ZNF883: variants seen among roughly 807,000 people sequenced by gnomAD.
The protein encoded by ZNF883 is zinc finger protein 883.
downstream of ZNF883, among the ~76,000 whole-genome samples, chr9:112,996,464 A>G (rs1217275690): frequency 6.6e-6 from 1 of 152,130 alleles, no homozygotes; most frequent in Non-Finnish European, 1.5e-5. Context: ...AGAGTGAACA[A>G]TTTTCCTTAC....
chr9:112,997,847 G>A, exon 1 of ZNF883: 8 of 1,613,312 alleles, frequency 5.0e-6, no homozygotes, highest in Non-Finnish European at 6.8e-6. Flanking sequence ...AGTAAGGGCA[G>A]AGATATGGCT....
chr9:113,003,240 A>T (rs191738258), upstream of ZNF883, among the ~76,000 whole-genome samples: 10 of 152,228 alleles, frequency 6.6e-5, no homozygotes, highest in East Asian at 1.5e-3. Context: ...TGATGGTTTT[A>T]TAAATGGGAG....
rs771693929 is a variant in ZNF883, at chr9:112,997,960, A to G, written n.300T>C. ...TATGACTAAAGGTTTTTTCACATTC[A>G]TTACACTCATAAGGTTTCTCCCCAG... On this transcript the variant is annotated non_coding_transcript_exon_variant, in exon 1 of 1. Coordinates refer to ENST00000639662, the Ensembl canonical transcript of ZNF883. 5 of 1,613,728 alleles carry G rather than the reference A, an allele frequency of 3.1e-6. No individual in the cohort carries two copies. The South Asian group carries it at 5.5e-5, about 18-fold the overall frequency.
At chr9:112,991,382 AGTT>A (rs1321542942) in intron 1 of ZNF883, among the ~76,000 whole-genome samples, 1 of 151,746 alleles carries the variant, frequency 6.6e-6, no homozygotes, top group Non-Finnish European at 1.5e-5. Context: ...ATTTCCATGT[AGTT>A]GTGTGGTTTT....
intron 2 of ZNF883, among the ~76,000 whole-genome samples, chr9:113,003,377 T>G (rs1277646902): frequency 6.6e-6 from 1 of 152,194 alleles, no homozygotes; most frequent in Non-Finnish European, 1.5e-5. Flanking sequence ...TTAAACCTCT[T>G]TCCTTTATAA....
chr9:112,992,957 A>G (rs564821112), downstream of ZNF883, among the ~76,000 whole-genome samples: 16 of 152,196 alleles, frequency 1.1e-4, no homozygotes, highest in African/African-American at 3.9e-4. Context: ...TTTCTGGTTA[A>G]TAGCTTCTGT....
At chr9:112,997,742 C>T (rs757610000) in exon 1 of ZNF883, 17 of 1,613,676 alleles carry the variant, frequency 1.1e-5, no homozygotes, top group Middle Eastern at 1.6e-4. Flanking sequence ...AGAATGAATT[C>T]CCTGATGTTC....
upstream of ZNF883, chr9:112,998,308 G>C (rs573481805): frequency 1.4e-6 from 2 of 1,412,462 alleles, no homozygotes; most frequent in Admixed American, 2.5e-5. Flanking sequence ...ATTTTTGTCG[G>C]TATGTAATAG....
upstream of ZNF883, among the ~76,000 whole-genome samples, chr9:113,002,289 T>C (rs1828432844): frequency 2.0e-5 from 3 of 152,290 alleles, no homozygotes; most frequent in Middle Eastern, 3.4e-3. Flanking sequence ...AGTTTCCCTA[T>C]AAAGACACCT....
chr9:112,999,640 GA>G (rs1828402966), upstream of ZNF883: 1 of 152,130 alleles, frequency 6.6e-6, no homozygotes, highest in Admixed American at 6.6e-5. Flanking sequence ...ATGGCTCACA[GA>G]ACTCAGGAAA....
downstream of ZNF883, among the ~76,000 whole-genome samples, chr9:112,996,805 AAAAAAAAAAAAAAAAAAAAG>A: frequency 6.7e-6 from 1 of 148,842 alleles, no homozygotes; most frequent in Non-Finnish European, 1.5e-5. Context: ...AAAAAAAAAA[AAAAAAAAAAAAAAAAAAAAG>A]TTTTTTTATA....
At chr9:113,011,735 T>C (rs1213840010) in intron 1 of ZNF883, among the ~76,000 whole-genome samples, 1 of 152,088 alleles carries the variant, frequency 6.6e-6, no homozygotes, top group Non-Finnish European at 1.5e-5. Context: ...AATACGTATA[T>C]CACGGTTTTC....
In ZNF883 at chr9:112,988,686, G is replaced by A. The variant is rs187090270; in HGVS notation, n.310-5107C>T. ...GTATATACTCAGTAATGGGATTGCTGAGTCAAATGATATTTCTGGTCTGAG... is the reference window on the plus strand; with the variant it reads ...GTATATACTCAGTAATGGGATTGCTAAGTCAAATGATATTTCTGGTCTGAG... On this transcript the variant is annotated intron_variant and non_coding_transcript_variant, in intron 1 of 9. Coordinates refer to the ZNF883 transcript ENST00000638823. Among the ~76,000 whole-genome samples, 3 of 152,272 alleles carry A rather than the reference G, an allele frequency of 2.0e-5. No individual in the cohort carries two copies. The East Asian group carries it at 5.8e-4, about 29-fold the overall frequency.
chr9:112,992,051 C>G (rs779174887), intron 1 of ZNF883, among the ~76,000 whole-genome samples: 5 of 152,176 alleles, frequency 3.3e-5, no homozygotes, highest in Non-Finnish European at 7.3e-5. Context: ...CATTCTGTGT[C>G]TTTTAACTGG....
downstream of ZNF883, among the ~76,000 whole-genome samples, chr9:112,996,291 T>C: frequency 6.6e-6 from 1 of 152,308 alleles, no homozygotes; most frequent in East Asian, 1.9e-4. Context: ...AAATATTACA[T>C]AAATCTTAGA....
At chr9:112,989,480 T>C (rs1299599732) in intron 1 of ZNF883, among the ~76,000 whole-genome samples, 1 of 152,220 alleles carries the variant, frequency 6.6e-6, no homozygotes, top group African/African-American at 2.4e-5. Flanking sequence ...CATTGGTCTA[T>C]GTGTCGTTTT....
chr9:112,995,628 T>C (rs1255089344), downstream of ZNF883, among the ~76,000 whole-genome samples: 1 of 152,024 alleles, frequency 6.6e-6, no homozygotes, highest in African/African-American at 2.4e-5. Flanking sequence ...CAATATACAA[T>C]ATAAGGAATT....
At chr9:113,001,806 A>G (rs1828428621), upstream of ZNF883, among the ~76,000 whole-genome samples, 2 of 152,182 alleles carry the variant, frequency 1.3e-5, no homozygotes, top group Admixed American at 6.5e-5. Flanking sequence ...GAATTCTGCG[A>G]TAGAGAAATG....
intron 1 of ZNF883, among the ~76,000 whole-genome samples, chr9:113,011,857 C>T (rs1203376144): frequency 6.6e-6 from 1 of 152,164 alleles, no homozygotes; most frequent in East Asian, 1.9e-4. Context: ...GCTCTGTTCT[C>T]ATGACTCTCC....
Sources: gnomAD v4.1 joint callset for allele counts (sites outside exome capture counted in the v4.1 genomes callset) on GRCh38, gnomAD v4.1.1 for gene constraint, MANE v1.5 for transcripts, NCBI Gene and HGNC (gene_info 2026-07-23, HGNC 2026-07-21) for gene names.